LRRC71: variants seen among roughly 807,000 people sequenced by gnomAD.
The protein encoded by LRRC71 is leucine rich repeat containing 71.
LRRC71 carries 54 observed loss-of-function variants against 66.6 expected under a neutral mutation model. The observed-to-expected ratio is 0.81, with a 90% CI of 0.65 to 1.02. The LOEUF is 1.02. Ranked by LOEUF, LRRC71 falls within the 50% of genes least tolerant of loss-of-function variation. The pLI, the probability that LRRC71 is intolerant of heterozygous loss-of-function variation, is 0.00. For synonymous variants in LRRC71, 323 were observed against 303.9 expected (o/e 1.06, Z -0.65); for missense variants, 724 against 718.0 (o/e 1.01, Z -0.10).
the LRRC71 span, among the ~76,000 whole-genome samples, chr1:156,940,940 T>C: frequency 6.6e-6 from 1 of 152,186 alleles, no homozygotes; most frequent in Non-Finnish European, 1.5e-5. Context: ...TCAATGAGAA[T>C]GCTGTCCCCT....
At chr1:156,928,865 C>G (rs1304104876) in intron 9 of LRRC71, among the ~76,000 whole-genome samples, 3 of 152,106 alleles carry the variant, frequency 2.0e-5, no homozygotes, top group Non-Finnish European at 4.4e-5. Context: ...GCCACTGCAC[C>G]TGGCCTGTGT....
At position 156,927,761 on chromosome 1, in the gene LRRC71, G is replaced by T. The variant is rs768178311; in HGVS notation, c.851G>T (p.Trp284Leu). 2.5e-6 allele frequency: 4 copies of T among 1,611,454 alleles called. No individual in the cohort carries two copies. The South Asian group carries it at 4.4e-5, about 18-fold the overall frequency. ...DGLRLNRSLL[W>L]LSLAHNRIQD... ...CTCCGGCTGAACCGTTCCCTGCTCT[G>T]GCTGTCCCTGGCCCACAACCGCATC... Residue 284 changes from tryptophan (W) to leucine (L), a missense_variant, in exon 8 of 15, where the codon TGG becomes TTG. Trp to Leu is a moderately conservative substitution (Grantham distance 61, BLOSUM62 -2). Transcript: ENST00000337428.
chr1:156,927,707 C>T (rs778492063), intron 7 of LRRC71, 26 bp from the exon 8 acceptor site: 1 of 1,606,022 alleles, frequency 6.2e-7, no homozygotes, highest in Non-Finnish European at 8.5e-7. Context: ...GCTTGGGCGG[C>T]TCACGCGTCC....
chr1:156,929,553 G>C (rs926455833), intron 10 of LRRC71, 83 bp from the exon 11 acceptor site: 1 of 1,533,936 alleles, frequency 6.5e-7, no homozygotes, highest in Non-Finnish European at 8.8e-7. Flanking sequence ...AAGGCCCCGG[G>C]TCCTAACCTG....
the LRRC71 span, chr1:156,939,484 C>T: frequency 7.7e-5 from 123 of 1,597,480 alleles, no homozygotes; most frequent in African/African-American, 1.3e-3. Flanking sequence ...AGCAGCTGTT[C>T]GGAAGACTTA....
the LRRC71 span, chr1:156,939,843 G>A: frequency 6.2e-7 from 1 of 1,612,428 alleles, no homozygotes; most frequent in Non-Finnish European, 8.5e-7. Flanking sequence ...CGGGCTCCTG[G>A]GCAGCCTGAG....
At chr1:156,924,167 G>T (rs1652824645) in intron 2 of LRRC71, 69 bp downstream of exon 2, 1 of 1,498,358 alleles carries the variant, frequency 6.7e-7, no homozygotes, top group South Asian at 1.2e-5. Flanking sequence ...CCCTTCCCAC[G>T]CCGGGCCAAA....
In LRRC71 at chr1:156,930,562, C is replaced by A. The variant is rs1437755048; in HGVS notation, c.1274C>A (p.Ala425Glu). The change falls in exon 12 of 15, where the codon GCA (alanine) becomes GAA (glutamate). Residue 425 changes from alanine to glutamate, a missense_variant. By Grantham distance (107) the Ala-to-Glu change is moderately radical. Coordinates refer to ENST00000337428, the MANE Select transcript of LRRC71 (RefSeq NM_144702.3). ...ATCCCTGAACAGAAGCCAAGCAGGG[C>A]AAAAGGGATCAAGATCGGGAGCAGA... ...VTIPEQKPSR[A>E]KGIKIGSREK... is the part of the protein sequence containing the mutation. The A allele has an allele frequency of 6.4e-7, 1 of 1,568,968 alleles. No homozygotes were observed. The highest frequency in any genetic ancestry group is 1.9e-5 in the Admixed American group (1 of 53,234).
chr1:156,935,848 C>A (rs550925575), downstream of LRRC71: 203 of 826,780 alleles, frequency 2.5e-4, 1 homozygote, highest in African/African-American at 3.2e-3. Context: ...AAGCAACATG[C>A]GGGTCTCCCC....
chr1:156,933,181 T>A (rs1345942786), downstream of LRRC71: 1 of 524,682 alleles, frequency 1.9e-6, no homozygotes, highest in East Asian at 3.1e-5. Flanking sequence ...GGCAGAAAAG[T>A]GGTCTGAATT....
chr1:156,923,298 G>A (rs890309350), intron 1 of LRRC71, among the ~76,000 whole-genome samples: 21 of 152,228 alleles, frequency 1.4e-4, no homozygotes, highest in Non-Finnish European at 2.9e-5. Context: ...GAGCCAGAAA[G>A]AGCAAGTGTC....
chr1:156,927,355 C>G, intron 6 of LRRC71, 85 bp downstream of exon 6: 2 of 1,549,114 alleles, frequency 1.3e-6, no homozygotes, highest in Non-Finnish European at 1.8e-6. Context: ...CCTTGTCCCC[C>G]TACCATCTCG....
In LRRC71 at chr1:156,927,193, T is replaced by C. The variant is rs200757173; in HGVS notation, c.594-9T>C. ...TACCTTCTGGTTCTCAGATCTCCCC[T>C]GCCCTCAGGAAGGTGTCTCTGGAGG... On this transcript the variant is annotated splice_polypyrimidine_tract_variant and intron_variant, in intron 5 of 14. Transcript: ENST00000337428. 2.2e-5 allele frequency: 35 copies of C among 1,609,972 alleles called. No homozygotes were observed. In the African/African-American group the frequency reaches 3.7e-4, roughly 17 times the overall value.
intron 6 of LRRC71, 26 bp from the exon 7 acceptor site, chr1:156,927,470 C>G: frequency 6.6e-7 from 1 of 1,519,884 alleles, no homozygotes; most frequent in Non-Finnish European, 8.8e-7. Flanking sequence ...TTCCAGCGAC[C>G]CACATTCTCC....
At chr1:156,933,512 G>T (rs1654670516), downstream of LRRC71, among the ~76,000 whole-genome samples, 1 of 152,198 alleles carries the variant, frequency 6.6e-6, no homozygotes, top group African/African-American at 2.4e-5. Context: ...GAGAGGTAAG[G>T]GTTCAGCTTA....
chr1:156,928,031 A>G, intron 9 of LRRC71, 27 bp downstream of exon 9: 1 of 1,563,754 alleles, frequency 6.4e-7, no homozygotes, highest in Non-Finnish European at 8.7e-7. Flanking sequence ...CCCCAGGACC[A>G]GCCGAGAGCC....
In LRRC71 at chr1:156,920,810, A is replaced by G; in HGVS notation, c.7A>G (p.Ser3Gly). 4 of 1,523,322 alleles carry G rather than the reference A, an allele frequency of 2.6e-6. No individual in the cohort carries two copies. Among genetic ancestry groups the G allele is most frequent in the Non-Finnish European group, 3.5e-6 (4 of 1,133,522 alleles). The allele number at this position is 1,523,322 out of a possible 1,614,324, so 94.4% of individuals were successfully genotyped here. A position where few individuals can be genotyped will look rare whatever the true frequency, so the allele number is the denominator to read the frequency against. MS[S>G]EQSAPGASPR... ...CGCTGCGGACAACACCAGCATGTCG[A>G]GCGAGCAGAGCGCGCCGGGGGCCTC... Residue 3 changes from serine to glycine, a missense_variant, in exon 1 of 15, where the codon AGC (serine) becomes GGC (glycine). Physicochemically the swap from Ser to Gly is moderately conservative, Grantham distance 56 (BLOSUM62 0). Transcript: ENST00000337428. This position sits in a 1 kb window ranked among gnomAD's most constrained non-coding sequence, Gnocchi z 4.9.
intron 12 of LRRC71, 123 bp from the exon 13 acceptor site, chr1:156,931,793 A>C: frequency 1.3e-6 from 1 of 741,414 alleles, no homozygotes; most frequent in South Asian, 1.8e-5. Context: ...TATCCCCAGC[A>C]CTTGGGACAA....
chr1:156,924,840 G>A lies in LRRC71; in HGVS notation c.516-98G>A, dbSNP rs566087313. ...GACGGTGGGGAGGTCGGGGGTGGGG[G>A]ATGAGGAAGGGCACCGCTGGGAGAA... On this transcript the variant is annotated intron_variant, in intron 4 of 14. Coordinates refer to ENST00000337428, the MANE Select transcript of LRRC71 (RefSeq NM_144702.3). 14 of 1,497,184 alleles carry A rather than the reference G, an allele frequency of 9.4e-6. No individual in the cohort carries two copies. The African/African-American group carries it at 1.9e-4, about 21-fold the overall frequency. The allele number at this position is 1,497,184 out of a possible 1,614,324, so 92.7% of individuals were successfully genotyped here.
Sources: allele counts gnomAD v4.1 joint callset (sites outside exome capture counted in the v4.1 genomes callset), GRCh38; gene constraint gnomAD v4.1.1; non-coding constraint Gnocchi (gnomAD v3.1); transcripts MANE v1.5; gene names NCBI Gene and HGNC (gene_info 2026-07-23, HGNC 2026-07-21).